The following FAM120A variants were observed in gnomAD, a reference collection of about 807,000 sequenced individuals.
FAM120A encodes family with sequence similarity 120 member A, also known as constitutive coactivator of PPAR-gamma-like protein 1.
In FAM120A, 15 loss-of-function variants were observed where a neutral mutation model predicts 109.7. That is an observed-to-expected ratio of 0.14 (90% CI 0.09 to 0.21). FAM120A has a LOEUF of 0.21. FAM120A is among the 10% of genes least tolerant of loss of function. FAM120A has a pLI of 1.00. For synonymous variants in FAM120A, 493 were observed against 572.8 expected (o/e 0.86, Z 1.99); for missense variants, 899 against 1,439.3 (o/e 0.62, Z 6.07).
chr9:93,564,066 C>A (rs1489703063), intron 17 of FAM120A, among the ~76,000 whole-genome samples, 163 bp from the exon 18 acceptor site: 1 of 145,850 alleles, frequency 6.9e-6, no homozygotes, highest in Non-Finnish European at 1.5e-5. Context: ...ACAGGTAGAG[C>A]ATCTACCGCC....
chr9:93,466,084 C>T (rs1858005335), intron 1 of FAM120A, among the ~76,000 whole-genome samples: 1 of 152,120 alleles, frequency 6.6e-6, no homozygotes, highest in Admixed American at 6.5e-5. Context: ...GGGTAAGGAG[C>T]TCTCTGTGGG....
At chr9:93,562,852 T>C (rs1862521024) in intron 17 of FAM120A, among the ~76,000 whole-genome samples, 1 of 151,752 alleles carries the variant, frequency 6.6e-6, no homozygotes, top group African/African-American at 2.4e-5. Flanking sequence ...TTTAGTAGAG[T>C]TGCAGTTTCA....
Position 93,556,567 on chromosome 9 carries a change from A to G in FAM120A, c.2460A>G (p.Pro820=). 1 of 1,614,106 alleles carries G rather than the reference A, an allele frequency of 6.2e-7. No individual in the cohort carries two copies. Residue 820 remains proline (P), a synonymous_variant, in exon 13 of 18, where the codon CCA becomes CCG. Coordinates refer to ENST00000277165, the MANE Select transcript of FAM120A (RefSeq NM_014612.5). ...TCAAAGCCAGCCGGGAAAAGACCCC[A>G]CTCATTGACCTCTGTGATGGTCAGG... ...KLLKASREKT[P]LIDLCDGQAD...
chr9:93,473,016 T>C lies in FAM120A; in HGVS notation c.721+1629T>C, dbSNP rs7047509. Among the ~76,000 whole-genome samples the C allele has an allele frequency of 9.3e-3, 1,380 of 148,272 alleles. 21 individuals are homozygous for C. Among genetic ancestry groups the C allele is most frequent in the African/African-American group, 0.034 (1,311 of 38,718 alleles). ...CAAGTTTTCATCGTTAAGATATCTT[T>C]GGACAATTTTTTTTTTTTTTAAATG... is the stretch of plus-strand genomic sequence containing the variant. On this transcript the variant is annotated intron_variant, in intron 2 of 17. Transcript: ENST00000277165.
At chr9:93,493,889 C>A (rs1227881472) in intron 3 of FAM120A, among the ~76,000 whole-genome samples, 1 of 152,254 alleles carries the variant, frequency 6.6e-6, no homozygotes, top group African/African-American at 2.4e-5. Flanking sequence ...CTGGAGCGCT[C>A]TCTCAGTGGG....
intron 3 of FAM120A, among the ~76,000 whole-genome samples, chr9:93,477,487 C>G (rs1465001431): frequency 6.6e-6 from 1 of 152,182 alleles, no homozygotes; most frequent in Non-Finnish European, 1.5e-5. Flanking sequence ...AGAATCCCTC[C>G]TGTATGTTTT....
intron 7 of FAM120A, 116 bp from the exon 8 acceptor site, chr9:93,527,039 G>A (rs1861114210): frequency 4.0e-6 from 3 of 748,950 alleles, no homozygotes; most frequent in Non-Finnish European, 6.8e-6. Context: ...TCGATGTTGT[G>A]TTTATTTTAA....
At chr9:93,473,479 T>G (rs1247664128) in intron 2 of FAM120A, among the ~76,000 whole-genome samples, 2 of 152,054 alleles carry the variant, frequency 1.3e-5, no homozygotes, top group Non-Finnish European at 2.9e-5. Flanking sequence ...CTAAAGTTTT[T>G]TGTGTGTTTT....
chr9:93,528,531 G>T (rs959895500), intron 8 of FAM120A, among the ~76,000 whole-genome samples: 1 of 152,034 alleles, frequency 6.6e-6, no homozygotes, highest in Non-Finnish European at 1.5e-5. Flanking sequence ...CTACTGCCTC[G>T]CAGCAGTCCA....
At position 93,529,507 on chromosome 9, in the gene FAM120A, A is replaced by G. The variant is rs767516604; in HGVS notation, c.1661A>G (p.Glu554Gly). The change falls in exon 9 of 18, where the codon GAG (glutamate) becomes GGG (glycine). Residue 554 changes from glutamate (E) to glycine (G), a missense_variant. Physicochemically the swap from Glu to Gly is moderately conservative, Grantham distance 98 (BLOSUM62 -2). Coordinates refer to ENST00000277165, the MANE Select transcript of FAM120A (RefSeq NM_014612.5). Reference sequence around the variant, plus strand: ...CCTCCCCTGCCCCCCGTCGCACCTGAGGTGCTGAGAGTGGCCGAGCACAGG... The same window carrying G: ...CCTCCCCTGCCCCCCGTCGCACCTGGGGTGCTGAGAGTGGCCGAGCACAGG... The part of the protein sequence containing the change: ...TTPPLPPVAP[E>G]VLRVAEHRHK... The G allele has an allele frequency of 6.2e-7, 1 of 1,614,162 alleles. No individual in the cohort carries two copies. Among genetic ancestry groups the G allele is most frequent in the Non-Finnish European group, 8.5e-7 (1 of 1,180,008 alleles).
At position 93,562,218 on chromosome 9, in the gene FAM120A, G is replaced by C; in HGVS notation, c.2959G>C (p.Gly987Arg). 2 of 1,613,928 alleles carry C rather than the reference G, an allele frequency of 1.2e-6. No individual in the cohort carries two copies. The highest frequency in any genetic ancestry group is 1.7e-6 in the Non-Finnish European group (2 of 1,179,782). Residue 987 changes from glycine to arginine, a missense_variant, in exon 17 of 18, where the codon GGA becomes CGA. Around this residue, in one of 11 missense-constraint regions of FAM120A, gnomAD observed 170 missense variants for 205.0 expected, o/e 0.83. Coordinates refer to ENST00000277165, the MANE Select transcript of FAM120A (RefSeq NM_014612.5). Reference sequence around the variant, plus strand: ...TTTTCATTCATTTAGGCGTCCAAGAGGAGTTATTTCCACCCCAGTGATTAG... The same window carrying C: ...TTTTCATTCATTTAGGCGTCCAAGACGAGTTATTTCCACCCCAGTGATTAG... ...VGGPARGRPR[G>R]VISTPVIRTF...
At chr9:93,512,465 G>A (rs1277842173) in intron 5 of FAM120A, among the ~76,000 whole-genome samples, 1 of 152,066 alleles carries the variant, frequency 6.6e-6, no homozygotes, top group East Asian at 1.9e-4. Flanking sequence ...TTAAAGTTAC[G>A]AAATATTTTG....
chr9:93,527,972 T>C (rs1437476868), intron 8 of FAM120A, among the ~76,000 whole-genome samples: 1 of 152,166 alleles, frequency 6.6e-6, no homozygotes, highest in Non-Finnish European at 1.5e-5. Flanking sequence ...TCTAAAAATA[T>C]CTTTTTAATT....
Position 93,452,953 on chromosome 9 carries a change from C to T in FAM120A, c.474+564C>T. ...CTAAGGGCCAGTGCCCTGGCCTCTA[C>T]TTCAGAACGCAGTGCCCTGTCCGTG... On this transcript the variant is annotated intron_variant, in intron 1 of 17. Transcript: ENST00000277165. The surrounding 1 kb of genome is among the most constrained non-coding windows in gnomAD (Gnocchi z 7.0). 2.9e-6 allele frequency: 4 copies of T among 1,387,044 alleles called. No individual in the cohort carries two copies. The highest frequency in any genetic ancestry group is 3.7e-6 in the Non-Finnish European group (4 of 1,075,374). The allele number at this position is 1,387,044 out of a possible 1,614,324, so 85.9% of individuals were successfully genotyped here. A position where few individuals can be genotyped will look rare whatever the true frequency, so the allele number is the denominator to read the frequency against.
intron 10 of FAM120A, among the ~76,000 whole-genome samples, chr9:93,542,865 C>T (rs12337821): frequency 0.022 from 3,367 of 152,134 alleles, 122 homozygotes; most frequent in African/African-American, 0.076. Context: ...CACATACTTC[C>T]GTGAATTACA....
intron 10 of FAM120A, among the ~76,000 whole-genome samples, chr9:93,537,122 T>G (rs917113270): frequency 2.0e-5 from 3 of 152,228 alleles, no homozygotes; most frequent in African/African-American, 7.2e-5. Flanking sequence ...CTCCTGGCTT[T>G]GAAGCCTGCA....
At chr9:93,561,329 G>A (rs1162740226) in intron 16 of FAM120A, 79 bp downstream of exon 16, 3 of 1,367,538 alleles carry the variant, frequency 2.2e-6, no homozygotes, top group East Asian at 5.1e-5. Flanking sequence ...GGAAGTTTAA[G>A]TAGGAACATT....
chr9:93,464,961 G>A (rs1857950697), intron 1 of FAM120A, among the ~76,000 whole-genome samples: 1 of 152,180 alleles, frequency 6.6e-6, no homozygotes. Flanking sequence ...ACATTTCATT[G>A]TATTATGCCC....
chr9:93,484,040 T>C lies in FAM120A; in HGVS notation c.804+7702T>C, dbSNP rs565571985. ...AAGAATAGTTTTTCTGTGTCTCTCT[T>C]TTTTTTTTTTTAAGAGACAGGGTCT... On this transcript the variant is annotated intron_variant, in intron 3 of 17. Transcript: ENST00000277165. Among the ~76,000 whole-genome samples, 450 of 144,204 alleles carry C rather than the reference T, an allele frequency of 3.1e-3. 3 individuals carry two copies. The highest frequency in any genetic ancestry group is 0.01 in the African/African-American group (403 of 38,476). 94.6% of individuals were successfully genotyped at this position (144,204 alleles called of 152,430 possible).
Sources: gnomAD v4.1 joint callset for allele counts (sites outside exome capture counted in the v4.1 genomes callset) on GRCh38, gnomAD v4.1.1 for gene constraint, gnomAD v4.1.1 regional missense constraint, Gnocchi (gnomAD v3.1) non-coding constraint, MANE v1.5 for transcripts, NCBI Gene and HGNC (gene_info 2026-07-23, HGNC 2026-07-21) for gene names.